The following PDZD2 variants were observed in gnomAD, a reference collection of about 807,000 sequenced individuals.
PDZD2 encodes PDZ domain-containing protein 2.
A neutral mutation model predicts 220.7 loss-of-function variants in PDZD2; 90 were observed. That is an observed-to-expected ratio of 0.41 (90% confidence interval 0.34 to 0.49). The LOEUF is 0.49. Among genes scored for constraint, PDZD2 ranks in the 20% least tolerant of loss-of-function variants. PDZD2 has a pLI of 0.28. For synonymous variants in PDZD2, 1,375 were observed against 1,450.5 expected (o/e 0.95, Z 1.18); for missense variants, 3,174 against 3,608.5 (o/e 0.88, Z 3.08).
Position 32,069,136 on chromosome 5 carries a change from C to T in PDZD2, c.2452-433C>T, listed in dbSNP as rs1019609572. Among the ~76,000 whole-genome samples, 5 of 151,606 alleles carry T rather than the reference C, an allele frequency of 3.3e-5. No individual in the cohort carries two copies. The South Asian group carries it at 6.3e-4, about 19-fold the overall frequency. ...CAAAAATTAGCCAGGCGTGGTGGTG[C>T]GCGCCTATAGTCCCAGCTACTTGGG... On this transcript the variant is annotated intron_variant, in intron 14 of 24. Transcript: ENST00000438447.
chr5:32,027,273 A>C (rs973699146), intron 6 of PDZD2, among the ~76,000 whole-genome samples: 2 of 152,150 alleles, frequency 1.3e-5, no homozygotes, highest in South Asian at 2.1e-4. Context: ...TGACACATAC[A>C]AACCCACTGC....
intron 6 of PDZD2, among the ~76,000 whole-genome samples, chr5:32,021,202 G>A (rs184011317): frequency 6.6e-6 from 1 of 152,032 alleles, no homozygotes; most frequent in East Asian, 1.9e-4. Flanking sequence ...AAGAAATGGA[G>A]CGATTTAGGA....
chr5:32,077,393 A>G (rs1430310886), intron 18 of PDZD2, 69 bp from the exon 19 acceptor site: 7 of 1,522,368 alleles, frequency 4.6e-6, no homozygotes, highest in East Asian at 4.5e-5. Flanking sequence ...CTCTCTATAT[A>G]TGATCTCATC....
chr5:31,767,242 G>A (rs1319257877), intron 1 of PDZD2, among the ~76,000 whole-genome samples: 4 of 152,034 alleles, frequency 2.6e-5, no homozygotes, highest in African/African-American at 9.7e-5. Context: ...CTGTTGGCCA[G>A]GCTGGGCTCC....
intron 1 of PDZD2, among the ~76,000 whole-genome samples, chr5:31,656,820 G>C (rs1745565791): frequency 1.3e-5 from 2 of 152,130 alleles, no homozygotes; most frequent in African/African-American, 4.8e-5. Flanking sequence ...GCTCTAAGAG[G>C]AAGCTCCAAG....
At chr5:32,047,540 G>T (rs1738094553) in intron 7 of PDZD2, among the ~76,000 whole-genome samples, 1 of 150,638 alleles carries the variant, frequency 6.6e-6, no homozygotes, top group African/African-American at 2.5e-5. Flanking sequence ...TTAAGAAAAA[G>T]AAGAAGAAAA....
chr5:31,908,105 A>AAAAAAAAAG (rs1561044428), intron 2 of PDZD2, among the ~76,000 whole-genome samples: 1 of 145,886 alleles, frequency 6.9e-6, no homozygotes, highest in African/African-American at 2.6e-5. Context: ...AAAAAAAAAA[A>AAAAAAAAAG]AAAGAAAGAA....
intron 1 of PDZD2, among the ~76,000 whole-genome samples, chr5:31,764,414 C>T (rs1488313065): frequency 1.3e-5 from 2 of 152,122 alleles, no homozygotes; most frequent in African/African-American, 2.4e-5. Context: ...GATCAGATGT[C>T]CAAAAACTCT....
chr5:31,954,001 A>G (rs574754110), intron 2 of PDZD2, among the ~76,000 whole-genome samples: 14 of 152,232 alleles, frequency 9.2e-5, no homozygotes, highest in African/African-American at 3.1e-4. Context: ...TTATAGTCCT[A>G]GCTGCTCTGG....
chr5:31,753,000 C>T (rs760792490), intron 1 of PDZD2, among the ~76,000 whole-genome samples: 17 of 152,144 alleles, frequency 1.1e-4, no homozygotes, highest in Non-Finnish European at 2.1e-4. Context: ...CCCTAGTAGG[C>T]ACTTGATGAT....
chr5:31,743,230 G>A (rs1561424044), intron 1 of PDZD2, among the ~76,000 whole-genome samples: 2 of 151,064 alleles, frequency 1.3e-5, no homozygotes, highest in Non-Finnish European at 2.9e-5. Flanking sequence ...CTGGAGTGCA[G>A]TGGCACAATC....
At chr5:32,072,036 A>G (rs1472944412) in intron 16 of PDZD2, 125 bp from the exon 17 acceptor site, 1 of 667,158 alleles carries the variant, frequency 1.5e-6, no homozygotes, top group Non-Finnish European at 2.6e-6. Context: ...GGTGTTTACT[A>G]TCACAGCTAT....
intron 2 of PDZD2, among the ~76,000 whole-genome samples, chr5:31,962,852 C>T (rs1748381818): frequency 6.6e-6 from 1 of 152,014 alleles, no homozygotes; most frequent in Non-Finnish European, 1.5e-5. Flanking sequence ...GTTTCTGTCC[C>T]CTTCCAGATT....
intron 2 of PDZD2, among the ~76,000 whole-genome samples, chr5:31,900,810 T>G (rs1039777958): frequency 2.0e-5 from 3 of 152,104 alleles, no homozygotes; most frequent in East Asian, 1.9e-4. Flanking sequence ...TGTAATAGAC[T>G]TGCTTGTTAG....
chr5:31,965,054 A>G (rs920172148), intron 2 of PDZD2, among the ~76,000 whole-genome samples: 1 of 152,180 alleles, frequency 6.6e-6, no homozygotes, highest in African/African-American at 2.4e-5. Flanking sequence ...CACCAACCTA[A>G]TACTGATAGG....
At chr5:32,038,945 TGTA>T (rs1162776715) in intron 7 of PDZD2, among the ~76,000 whole-genome samples, 1 of 152,268 alleles carries the variant, frequency 6.6e-6, no homozygotes, top group Non-Finnish European at 1.5e-5. Flanking sequence ...TAGCACAATG[TGTA>T]GTACGTTAAC....
At chr5:31,775,415 G>T (rs1473481911) in intron 1 of PDZD2, among the ~76,000 whole-genome samples, 1 of 151,732 alleles carries the variant, frequency 6.6e-6, no homozygotes. Flanking sequence ...CGGATTTGAC[G>T]TAATAGAGAC....
At chr5:31,840,045 T>A (rs372007666) in intron 2 of PDZD2, among the ~76,000 whole-genome samples, 10 of 152,006 alleles carry the variant, frequency 6.6e-5, no homozygotes, top group African/African-American at 2.4e-4. Context: ...GAGAATGGAC[T>A]AGTAAACCCT....
chr5:32,078,828 G>C (rs1210080352), intron 19 of PDZD2, among the ~76,000 whole-genome samples: 2 of 151,140 alleles, frequency 1.3e-5, no homozygotes, highest in Non-Finnish European at 2.9e-5. Flanking sequence ...AAAGTGTGGG[G>C]TGTGTATGTG....
Sources: allele counts gnomAD v4.1 joint callset (sites outside exome capture counted in the v4.1 genomes callset), GRCh38; gene constraint gnomAD v4.1.1; transcripts MANE v1.5; gene names NCBI Gene and HGNC (gene_info 2026-07-23, HGNC 2026-07-21).